MFSD11: variants seen among roughly 807,000 people sequenced by gnomAD.
MFSD11 encodes the protein major facilitator superfamily domain containing 11, also known as UNC93-like protein MFSD11.
A neutral mutation model predicts 53.5 loss-of-function variants in MFSD11; 36 were observed. That is an observed-to-expected ratio of 0.67 (90% CI 0.52 to 0.89). The LOEUF is 0.89. Among genes scored for constraint, MFSD11 ranks in the 40% least tolerant of loss-of-function variants. MFSD11 has a pLI of 0.00. For missense variants in MFSD11, 530 were observed against 543.9 expected (o/e 0.97, Z 0.25); for synonymous variants, 186 against 184.9 (o/e 1.01, Z -0.05).
intron 7 of MFSD11, among the ~76,000 whole-genome samples, chr17:76,751,831 A>G (rs1441399100): frequency 2.6e-5 from 4 of 152,194 alleles, no homozygotes; most frequent in African/African-American, 9.6e-5. Context: ...GGTAAGTCGT[A>G]GCATCCCTAT....
upstream of MFSD11, chr17:76,737,002 C>T: frequency 1.9e-6 from 3 of 1,613,500 alleles, no homozygotes; most frequent in East Asian, 2.2e-5. Context: ...AGCCGCGGGA[C>T]TCCTTGGTGT....
chr17:76,759,096 AT>A (rs2079936150), intron 8 of MFSD11, among the ~76,000 whole-genome samples: 1 of 152,090 alleles, frequency 6.6e-6, no homozygotes, highest in South Asian at 2.1e-4. Flanking sequence ...AAATAAAAAA[AT>A]AAAATAAAAA....
At chr17:76,778,124 G>A (rs1041899565) in intron 12 of MFSD11, 64 bp from the exon 13 acceptor site, 5 of 1,568,866 alleles carry the variant, frequency 3.2e-6, no homozygotes, top group African/African-American at 1.4e-5. Flanking sequence ...GTGGGGCTAG[G>A]GGCTAACTGT....
At chr17:76,780,162 C>G (rs2082122712), downstream of MFSD11, among the ~76,000 whole-genome samples, 1 of 152,058 alleles carries the variant, frequency 6.6e-6, no homozygotes, top group African/African-American at 2.4e-5. Flanking sequence ...GTTGCATAAC[C>G]ACCACAATGA....
chr17:76,738,516 C>T (rs237053), intron 1 of MFSD11, 68 bp downstream of exon 1: 1,148,163 of 1,177,088 alleles, frequency 0.98, 563,360 homozygotes, highest in Non-Finnish European at 1. Context: ...TGAAAATAAA[C>T]GTTCATTATA....
rs2078146264 is a variant in MFSD11 at position 76,742,170 on chromosome 17, A to G, written c.341-7A>G. 6.2e-7 allele frequency: 1 copy of G among 1,614,000 alleles called. No homozygotes were observed. The highest frequency in any genetic ancestry group is 1.7e-5 in the Admixed American group (1 of 59,992). ...TTCCCTTGATAAACTTTTGGGTTGA[A>G]TTTTAGTGCTTTGGACAGCACAAGG... is the stretch of plus-strand genomic sequence containing the variant. On this transcript the variant is annotated splice_polypyrimidine_tract_variant and splice_region_variant and intron_variant, in intron 4 of 12. Transcript: ENST00000685175.
chr17:76,799,161 G>A, the MFSD11 span: 1 of 152,096 alleles, frequency 6.6e-6, no homozygotes, highest in Non-Finnish European at 1.5e-5. Context: ...TGTCACCCAG[G>A]CTGGAGTGCA....
Position 76,742,055 on chromosome 17 carries a change from A to G in MFSD11, c.340+7A>G. On this transcript the variant is annotated splice_region_variant and intron_variant, in intron 4 of 12. Coordinates refer to ENST00000685175, the MANE Select transcript of MFSD11 (RefSeq NM_001242532.5). The stretch of plus-strand genomic sequence containing the variant: ...ATTGGAATTGCTGCTGCTGGTAAGC[A>G]TTTTGATTTTTAACTTCTCTGCTTT... 1.2e-6 allele frequency: 2 copies of G among 1,614,104 alleles called. No individual in the cohort carries two copies. Among genetic ancestry groups the G allele is most frequent in the Non-Finnish European group, 1.7e-6 (2 of 1,180,016 alleles).
intron 9 of MFSD11, chr17:76,769,107 G>T (rs1167671369): frequency 6.6e-6 from 1 of 152,192 alleles, no homozygotes; most frequent in Non-Finnish European, 1.5e-5. Context: ...ATCTCCGCCT[G>T]CATGGAGAGT....
intron 8 of MFSD11, among the ~76,000 whole-genome samples, chr17:76,763,118 G>C (rs190735040): frequency 5.9e-4 from 90 of 152,268 alleles, no homozygotes; most frequent in Non-Finnish European, 8.5e-4. Flanking sequence ...TGCACACCTA[G>C]GAATGGTGGA....
chr17:76,755,387 G>T (rs4788945), intron 8 of MFSD11, among the ~76,000 whole-genome samples: 2 of 152,006 alleles, frequency 1.3e-5, no homozygotes, highest in African/African-American at 2.4e-5. Flanking sequence ...ATCTGACTGG[G>T]GCAGTTATTC....
At chr17:76,752,749 C>T (rs531784182) in intron 7 of MFSD11, among the ~76,000 whole-genome samples, 23 of 152,236 alleles carry the variant, frequency 1.5e-4, no homozygotes, top group South Asian at 2.1e-4. Context: ...CAGGTTGCGA[C>T]GAAGACCCAC....
chr17:76,800,188 C>G, the MFSD11 span, among the ~76,000 whole-genome samples: 2 of 152,084 alleles, frequency 1.3e-5, no homozygotes, highest in Non-Finnish European at 2.9e-5. Context: ...CTCCTGGTGT[C>G]AAGTGATCCA....
chr17:76,767,343 A>G (rs1380074667), intron 8 of MFSD11, 43 bp from the exon 9 acceptor site: 2 of 1,203,896 alleles, frequency 1.7e-6, no homozygotes, highest in Non-Finnish European at 2.4e-6. Context: ...TTGTTTTATT[A>G]ACTAAAATCT....
Position 76,754,037 on chromosome 17 carries a change from A to G in MFSD11, c.642-10A>G. On this transcript the variant is annotated splice_polypyrimidine_tract_variant and intron_variant, in intron 7 of 12. Coordinates refer to ENST00000685175, the MANE Select transcript of MFSD11 (RefSeq NM_001242532.5). ...AGAAAAAACTTATTTTTTACATTTT[A>G]TTTTCTCAGGTCTGCCCAGAACAAT... The G allele has an allele frequency of 1.9e-6, 3 of 1,599,772 alleles. No homozygotes were observed. Among genetic ancestry groups the G allele is most frequent in the Admixed American group, 3.5e-5 (2 of 56,752 alleles).
upstream of MFSD11, chr17:76,737,967 C>CT (rs2077652027): frequency 7.7e-6 from 2 of 259,886 alleles, no homozygotes; most frequent in South Asian, 1.6e-4. Context: ...GGCGCCGCGG[C>CT]TGCGGTCAGG....
downstream of MFSD11, among the ~76,000 whole-genome samples, chr17:76,785,102 C>T (rs183278213): frequency 1.7e-3 from 253 of 152,262 alleles, 1 homozygote; most frequent in Non-Finnish European, 2.0e-3. Context: ...ACAAAATGTA[C>T]GTCTATACAA....
intron 2 of MFSD11, among the ~76,000 whole-genome samples, chr17:76,740,518 G>A (rs1487612845): frequency 6.6e-6 from 1 of 152,200 alleles, no homozygotes; most frequent in East Asian, 1.9e-4. Flanking sequence ...TGGGGCCTCT[G>A]GAGTCATGCA....
downstream of MFSD11, among the ~76,000 whole-genome samples, chr17:76,779,647 G>A (rs1332932808): frequency 1.3e-5 from 2 of 152,004 alleles, no homozygotes; most frequent in Non-Finnish European, 1.5e-5. Flanking sequence ...ACCACACCTG[G>A]CTAATTTTTG....
Sources: allele counts gnomAD v4.1 joint callset (sites outside exome capture counted in the v4.1 genomes callset), GRCh38; gene constraint gnomAD v4.1.1; transcripts MANE v1.5; gene names NCBI Gene and HGNC (gene_info 2026-07-23, HGNC 2026-07-21).